Variants in ITGA11 observed in about 807,000 individuals in gnomAD.
The protein encoded by ITGA11 is integrin alpha-11.
A neutral mutation model predicts 141.9 loss-of-function variants in ITGA11; 97 were observed. The ratio of observed to expected loss-of-function variants is 0.68; its 90% CI spans 0.58 to 0.81. The LOEUF is 0.81. Ranked by LOEUF, ITGA11 falls within the 30% of genes least tolerant of loss-of-function variation. The pLI is 0.00. For missense variants in ITGA11, 1,387 were observed against 1,559.2 expected, an observed-to-expected ratio of 0.89 and a Z score of 1.86; for synonymous variants, 658 against 624.6, an observed-to-expected ratio of 1.05 and a Z score of -0.80.
At chr15:68,352,619 T>G (rs983395247) in intron 7 of ITGA11, among the ~76,000 whole-genome samples, 3 of 152,238 alleles carry the variant, frequency 2.0e-5, no homozygotes, top group Admixed American at 2.0e-4. Context: ...ATGCGTGCGA[T>G]GAGGCCTGAC....
At chr15:68,343,537 G>T (rs1894638071) in intron 10 of ITGA11, among the ~76,000 whole-genome samples, 1 of 152,172 alleles carries the variant, frequency 6.6e-6, no homozygotes, top group South Asian at 2.1e-4. Flanking sequence ...AGGATACCAG[G>T]TGCCAGTAAT....
At position 68,308,747 on chromosome 15, in the gene ITGA11, A is replaced by AAAAGG. The variant is rs1893279049; in HGVS notation, c.3175-1052_3175-1051insCCTTT. Among the ~76,000 whole-genome samples, 14 of 4,806 alleles carry AAAAGG rather than the reference A, an allele frequency of 2.9e-3. No homozygotes were observed. In the Admixed American group the frequency reaches 0.056, roughly 19 times the overall value. 3.2% of individuals were successfully genotyped at this position (4,806 alleles called of 152,430 possible). A position where few individuals can be genotyped will look rare whatever the true frequency, so the allele number is the denominator to read the frequency against. ...ACCGAGCCAGACTCTGTCTCAAAAG[A>AAAAGG]AAAGAAAAGAAAAGAAAGAAAAGAA... is the stretch of plus-strand genomic sequence containing the variant. On this transcript the variant is annotated intron_variant, in intron 26 of 29. Transcript: ENST00000315757. The surrounding 1 kb of genome is among the most constrained non-coding windows in gnomAD (Gnocchi z 5.2).
chr15:68,358,098 A>C (rs1175934597), intron 6 of ITGA11, among the ~76,000 whole-genome samples: 1 of 151,968 alleles, frequency 6.6e-6, no homozygotes, highest in African/African-American at 2.4e-5. Flanking sequence ...TACCTCTCCT[A>C]CCATCTTCCC....
intron 4 of ITGA11, 82 bp downstream of exon 4, chr15:68,364,625 A>G: frequency 1.1e-6 from 1 of 900,262 alleles, no homozygotes; most frequent in Middle Eastern, 2.8e-4. Context: ...GATGGACATG[A>G]GGGTGTGTAA....
intron 2 of ITGA11, among the ~76,000 whole-genome samples, chr15:68,379,682 C>T (rs1010221754): frequency 3.9e-5 from 6 of 152,224 alleles, no homozygotes; most frequent in Admixed American, 1.3e-4. Flanking sequence ...AGAGGCTGGA[C>T]ATGCAATGTA....
In ITGA11 at chr15:68,298,183, TGA is replaced by T. The variant is rs527675741; in HGVS notation, c.*4874_*4875del. Reference sequence around the variant, plus strand: ...ATACTTGACCTAGAAAATTTCAGTATGAGAGAGGCAAATTTTAGGTGGTTCAC... The same window carrying T: ...ATACTTGACCTAGAAAATTTCAGTATGAGAGGCAAATTTTAGGTGGTTCAC... On this transcript the variant is annotated 3_prime_UTR_variant, in exon 30 of 30. Transcript: ENST00000315757. 6.6e-6 allele frequency: 1 copy of T among 152,230 alleles called. No homozygotes were observed. Among genetic ancestry groups the T allele is most frequent in the African/African-American group, 2.4e-5 (1 of 41,462 alleles). The allele number at this position is 152,230 out of a possible 1,614,324, so 9.4% of individuals were successfully genotyped here.
rs1413058707 is a variant in ITGA11, at chr15:68,402,372, T to C, written c.164+546A>G. Among the ~76,000 whole-genome samples, 3 of 152,118 alleles carry C rather than the reference T, an allele frequency of 2.0e-5. No individual in the cohort carries two copies. In the East Asian group the frequency reaches 5.8e-4, roughly 29 times the overall value. On this transcript the variant is annotated intron_variant, in intron 2 of 29. Transcript: ENST00000315757. Reference sequence around the variant, plus strand: ...AAATCATTGACTTGGATACTTGAAATGAGTGAGTTAGATGATAAAATATGT... The same window carrying C: ...AAATCATTGACTTGGATACTTGAAACGAGTGAGTTAGATGATAAAATATGT...
chr15:68,326,300 C>T lies in ITGA11; in HGVS notation c.2211+354G>A, dbSNP rs1893969708. Among the ~76,000 whole-genome samples, 2 of 152,226 alleles carry T rather than the reference C, an allele frequency of 1.3e-5. No homozygotes were observed. Among genetic ancestry groups the T allele is most frequent in the Non-Finnish European group, 2.9e-5 (2 of 68,042 alleles). ...TTTGTACATGCCACTGTCTCCTGGA[C>T]CTGGCCTTTAATTGTTAGCTGCTGC... On this transcript the variant is annotated intron_variant, in intron 17 of 29. Coordinates refer to ENST00000315757, the MANE Select transcript of ITGA11 (RefSeq NM_001004439.2). The surrounding 1 kb of genome is among the most constrained non-coding windows in gnomAD (Gnocchi z 6.8).
chr15:68,365,068 C>T (rs2140354597), intron 3 of ITGA11: 1 of 893,826 alleles, frequency 1.1e-6, no homozygotes, highest in Non-Finnish European at 1.3e-6. Context: ...ATCTCCTAGC[C>T]CACAGCTTTT....
intron 2 of ITGA11, among the ~76,000 whole-genome samples, chr15:68,392,865 G>GA (rs1222263060): frequency 6.6e-6 from 1 of 152,042 alleles, no homozygotes; most frequent in Non-Finnish European, 1.5e-5. Flanking sequence ...AAATAATCAG[G>GA]AAAAAATGGA....
intron 3 of ITGA11, among the ~76,000 whole-genome samples, chr15:68,367,704 A>G (rs1280564646): frequency 3.3e-5 from 5 of 152,156 alleles, no homozygotes; most frequent in African/African-American, 1.2e-4. Context: ...TGTTTGGTAC[A>G]CTCTAGGTGC....
intron 2 of ITGA11, among the ~76,000 whole-genome samples, chr15:68,373,137 T>C (rs184968188): frequency 6.6e-6 from 1 of 152,298 alleles, no homozygotes; most frequent in Admixed American, 6.5e-5. Context: ...AAATCCAGCA[T>C]AAATTCCCAC....
chr15:68,382,257 C>A (rs1485512281), intron 2 of ITGA11, among the ~76,000 whole-genome samples: 1 of 152,146 alleles, frequency 6.6e-6, no homozygotes, highest in Non-Finnish European at 1.5e-5. Flanking sequence ...AAATCATTGG[C>A]TCGGCAGTTG....
intron 24 of ITGA11, 86 bp from the exon 25 acceptor site, chr15:68,311,489 G>A (rs762112105): frequency 3.3e-6 from 3 of 897,408 alleles, no homozygotes; most frequent in South Asian, 1.5e-5. Flanking sequence ...GCCCCTGGGG[G>A]TGGCAATTCC....
In ITGA11 at chr15:68,332,388, A is replaced by G; in HGVS notation, c.1516T>C (p.Phe506Leu). ...TTGCCTCGCTCACGGCCCTCGTTGA[A>G]GTACATGGGTGCGCCCACCAGCAGG... Reference protein sequence around the residue: ...DVLLVGAPMYFNEGRERGKVY... With the variant: ...DVLLVGAPMYLNEGRERGKVY... Residue 506 changes from phenylalanine to leucine, a missense_variant, in exon 13 of 30, where the codon TTC (phenylalanine) becomes CTC (leucine). By Grantham distance (22) the Phe-to-Leu change is conservative (BLOSUM62 0). Coordinates refer to ENST00000315757, the MANE Select transcript of ITGA11 (RefSeq NM_001004439.2). The G allele has an allele frequency of 6.2e-7, 1 of 1,610,440 alleles. No individual in the cohort carries two copies. Among genetic ancestry groups the G allele is most frequent in the Non-Finnish European group, 8.5e-7 (1 of 1,178,616 alleles).
chr15:68,349,241 A>G (rs1308330008), intron 9 of ITGA11, among the ~76,000 whole-genome samples: 1 of 152,248 alleles, frequency 6.6e-6, no homozygotes, highest in Non-Finnish European at 1.5e-5. Flanking sequence ...AAGTGCACAG[A>G]AATAGTGTAC....
At chr15:68,365,538 G>A (rs1413083774) in intron 3 of ITGA11, 3 of 50,044 alleles carry the variant, frequency 6.0e-5, no homozygotes, top group Non-Finnish European at 1.1e-4. Context: ...TTCCCCAGAA[G>A]TGTGTTGGGG....
intron 2 of ITGA11, among the ~76,000 whole-genome samples, chr15:68,380,501 A>C (rs1350263308): frequency 6.6e-6 from 1 of 152,186 alleles, no homozygotes; most frequent in African/African-American, 2.4e-5. Flanking sequence ...AGGGAGACTT[A>C]TACCCGATGA....
intron 1 of ITGA11, among the ~76,000 whole-genome samples, chr15:68,414,811 C>G (rs1330827964): frequency 1.3e-5 from 2 of 152,188 alleles, no homozygotes; most frequent in African/African-American, 4.8e-5. Flanking sequence ...CCCTCAGCCT[C>G]AAGCCCCCCC....
Sources: gnomAD v4.1 joint callset for allele counts (sites outside exome capture counted in the v4.1 genomes callset) on GRCh38, gnomAD v4.1.1 for gene constraint, Gnocchi (gnomAD v3.1) non-coding constraint, MANE v1.5 for transcripts, NCBI Gene and HGNC (gene_info 2026-07-23, HGNC 2026-07-21) for gene names.